The following AGBL1 variants were observed in gnomAD, a reference collection of about 807,000 sequenced individuals.
AGBL1 encodes the protein AGBL carboxypeptidase 1.
AGBL1 carries 130 observed loss-of-function variants against 118.9 expected under a neutral mutation model. The ratio of observed to expected loss-of-function variants is 1.09; its 90% CI spans 0.95 to 1.26. The LOEUF is 1.26. Ranked by LOEUF, AGBL1 falls within the 50% of genes most tolerant of loss-of-function variation. AGBL1 has a pLI of 0.00. For missense variants in AGBL1, 1,584 were observed against 1,298.1 expected, an observed-to-expected ratio of 1.22 and a Z score of -3.38; for synonymous variants, 555 against 478.9, an observed-to-expected ratio of 1.16 and a Z score of -2.08.
At position 86,233,380 on chromosome 15, in the gene AGBL1, C is replaced by CT. The variant is rs34651289; in HGVS notation, c.526+8443dup. Among the ~76,000 whole-genome samples, 341 of 146,154 alleles carry CT rather than the reference C, an allele frequency of 2.3e-3. 1 individual carries two copies. The highest frequency in any genetic ancestry group is 5.7e-3 in the African/African-American group (230 of 40,054). The stretch of plus-strand genomic sequence containing the variant: ...ATTAGAAATTCTTTAGTAGCAAAAC[C>CT]TTTTTTTTTTTTTTCTTGAACATAA... On this transcript the variant is annotated intron_variant, in intron 6 of 22. Coordinates refer to ENST00000614907, the MANE Select transcript of AGBL1 (RefSeq NM_001386094.1).
chr15:86,830,792 T>C (rs1332172032), intron 22 of AGBL1, among the ~76,000 whole-genome samples: 2 of 152,172 alleles, frequency 1.3e-5, no homozygotes, highest in African/African-American at 4.8e-5. Flanking sequence ...ATTTCCTCTT[T>C]TTTGTCAGCA....
chr15:86,773,294 G>A (rs2078207764), intron 22 of AGBL1, among the ~76,000 whole-genome samples: 1 of 152,012 alleles, frequency 6.6e-6, no homozygotes, highest in Admixed American at 6.6e-5. Context: ...AGGCACTCCT[G>A]AGTGGAAGAG....
At chr15:86,958,155 T>C (rs1181310352) in intron 23 of AGBL1, among the ~76,000 whole-genome samples, 1 of 150,738 alleles carries the variant, frequency 6.6e-6, no homozygotes, top group Non-Finnish European at 1.5e-5. Context: ...CAGTAAGCTA[T>C]GATTGTGCCA....
At chr15:86,513,616 T>C (rs1358573762) in intron 18 of AGBL1, among the ~76,000 whole-genome samples, 1 of 152,070 alleles carries the variant, frequency 6.6e-6, no homozygotes, top group Non-Finnish European at 1.5e-5. Context: ...TTGCTGATTG[T>C]TGCTTGTATC....
chr15:86,352,603 T>C (rs530575415), intron 17 of AGBL1, among the ~76,000 whole-genome samples: 1 of 152,192 alleles, frequency 6.6e-6, no homozygotes, highest in African/African-American at 2.4e-5. Context: ...TGCTGCAGTC[T>C]CCCGAGGGGC....
At chr15:86,301,731 CAG>C (rs1474371316) in intron 17 of AGBL1, among the ~76,000 whole-genome samples, 7 of 147,028 alleles carry the variant, frequency 4.8e-5, no homozygotes, top group South Asian at 2.2e-4. Context: ...AAAGTTTTAA[CAG>C]GGGTGAAACT....
intron 22 of AGBL1, among the ~76,000 whole-genome samples, chr15:86,781,067 T>A (rs1222481584): frequency 6.6e-6 from 1 of 152,206 alleles, no homozygotes; most frequent in Non-Finnish European, 1.5e-5. Flanking sequence ...CTGATGTTAT[T>A]GTAAATAGCA....
chr15:86,744,372 C>T (rs2077723678), intron 22 of AGBL1, among the ~76,000 whole-genome samples: 1 of 152,150 alleles, frequency 6.6e-6, no homozygotes, highest in Admixed American at 6.6e-5. Context: ...TCTCACAGAG[C>T]TCCTGCCGTG....
chr15:86,827,322 CACA>C (rs2079027450), intron 22 of AGBL1, among the ~76,000 whole-genome samples: 1 of 4,758 alleles, frequency 2.1e-4, no homozygotes, highest in Non-Finnish European at 3.2e-4. Context: ...TATATACACA[CACA>C]TATATATATA....
intron 22 of AGBL1, among the ~76,000 whole-genome samples, chr15:86,798,030 A>G (rs2078597546): frequency 6.6e-6 from 1 of 152,236 alleles, no homozygotes; most frequent in Admixed American, 6.5e-5. Flanking sequence ...GCTGTAAGCA[A>G]TGCAGCCAGG....
intron 21 of AGBL1, among the ~76,000 whole-genome samples, chr15:86,652,150 T>G (rs2085383157): frequency 6.6e-6 from 1 of 152,148 alleles, no homozygotes; most frequent in African/African-American, 2.4e-5. Context: ...CTACTCCCAG[T>G]GCACTCTCAA....
chr15:86,090,407 C>T (rs1436348552), intron 1 of AGBL1, among the ~76,000 whole-genome samples: 1 of 152,154 alleles, frequency 6.6e-6, no homozygotes, highest in Non-Finnish European at 1.5e-5. Flanking sequence ...TAAGCACTTG[C>T]TAAGTATTCT....
At chr15:86,444,342 T>G in intron 18 of AGBL1, among the ~76,000 whole-genome samples, 1 of 152,204 alleles carries the variant, frequency 6.6e-6, no homozygotes, top group East Asian at 1.9e-4. Flanking sequence ...ATAGGAATTC[T>G]TACTCTAGTG....
chr15:86,486,344 T>A (rs576116588), intron 18 of AGBL1, among the ~76,000 whole-genome samples: 125 of 152,144 alleles, frequency 8.2e-4, no homozygotes, highest in Non-Finnish European at 1.7e-3. Flanking sequence ...AGGATATAAG[T>A]CCCTCCTCTT....
chr15:86,874,379 G>A (rs931146300), intron 22 of AGBL1, among the ~76,000 whole-genome samples: 2 of 94,238 alleles, frequency 2.1e-5, no homozygotes, highest in African/African-American at 8.5e-5. Context: ...TGTTGTGGGT[G>A]GGACACACAC....
chr15:86,635,897 C>A (rs1421499332), intron 21 of AGBL1, among the ~76,000 whole-genome samples: 1 of 152,170 alleles, frequency 6.6e-6, no homozygotes, highest in African/African-American at 2.4e-5. Context: ...CTGGCCCTAA[C>A]TTTTGTGTCC....
rs531343955 is a variant in AGBL1 at position 86,835,221 on chromosome 15, C to A, written c.3159-71866C>A. 2.0e-5 allele frequency among the ~76,000 whole-genome samples: 3 copies of A among 151,910 alleles called. No homozygotes were observed. The East Asian group carries it at 5.8e-4, about 29-fold the overall frequency. ...TGAGGCAAAAAGAAGTGAAGCAACT[C>A]GCTGGGATCATATATCTAGGTCTTT... On this transcript the variant is annotated intron_variant, in intron 22 of 22. Coordinates refer to ENST00000614907, the MANE Select transcript of AGBL1 (RefSeq NM_001386094.1).
At chr15:86,382,598 T>C (rs1596043100) in intron 17 of AGBL1, among the ~76,000 whole-genome samples, 1 of 152,218 alleles carries the variant, frequency 6.6e-6, no homozygotes, top group East Asian at 1.9e-4. Context: ...TCAGGCTATG[T>C]AAGTGGAGAA....
intron 18 of AGBL1, among the ~76,000 whole-genome samples, chr15:86,495,570 AG>A (rs1255340952): frequency 6.6e-6 from 1 of 151,846 alleles, no homozygotes; most frequent in Non-Finnish European, 1.5e-5. Flanking sequence ...TGATGCCAGA[AG>A]GTCATGGTAG....
Sources: allele counts gnomAD v4.1 joint callset (sites outside exome capture counted in the v4.1 genomes callset), GRCh38; gene constraint gnomAD v4.1.1; transcripts MANE v1.5; gene names NCBI Gene and HGNC (gene_info 2026-07-23, HGNC 2026-07-21).